NBEA: variants seen among roughly 807,000 people sequenced by gnomAD.
The protein encoded by NBEA is lysosomal-trafficking regulator 2.
NBEA carries 44 observed loss-of-function variants against 343.4 expected under a neutral mutation model. The observed-to-expected ratio is 0.13, with a 90% CI of 0.10 to 0.16. NBEA has a LOEUF of 0.16. Ranked by LOEUF, NBEA falls within the 10% of genes least tolerant of loss-of-function variation. NBEA has a pLI of 1.00. For synonymous variants in NBEA, 1,175 were observed against 1,238.7 expected, an observed-to-expected ratio of 0.95 and a Z score of 1.08; for missense variants, 2,555 against 3,631.3, an observed-to-expected ratio of 0.70 and a Z score of 7.62.
chr13:35,298,685 A>C (rs1217329203), intron 35 of NBEA, among the ~76,000 whole-genome samples: 1 of 152,014 alleles, frequency 6.6e-6, no homozygotes, highest in Non-Finnish European at 1.5e-5. Context: ...GATGTGTCCA[A>C]TTTGAAACAT....
At chr13:35,037,033 T>G (rs1328618067) in intron 1 of NBEA, among the ~76,000 whole-genome samples, 1 of 152,172 alleles carries the variant, frequency 6.6e-6, no homozygotes. Flanking sequence ...CCAGTACCTC[T>G]TAGATTTGCC....
chr13:35,119,733 C>T (rs2066691032), intron 16 of NBEA, among the ~76,000 whole-genome samples: 2 of 152,080 alleles, frequency 1.3e-5, no homozygotes, highest in Admixed American at 6.6e-5. Flanking sequence ...CTACAGGCGC[C>T]TGCCACAATG....
intron 41 of NBEA, among the ~76,000 whole-genome samples, chr13:35,519,957 A>G (rs746392429): frequency 8.6e-5 from 13 of 152,000 alleles, no homozygotes; most frequent in Non-Finnish European, 1.9e-4. Flanking sequence ...CTATTACTCT[A>G]CTTTCTTCTT....
At chr13:35,095,337 A>T (rs866094118) in intron 10 of NBEA, among the ~76,000 whole-genome samples, 1 of 150,958 alleles carries the variant, frequency 6.6e-6, no homozygotes, top group East Asian at 1.9e-4. Flanking sequence ...TTATAAACAA[A>T]TTAGTTATGT....
intron 21 of NBEA, 138 bp downstream of exon 21, chr13:35,157,408 C>A: frequency 1.5e-6 from 1 of 647,140 alleles, no homozygotes; most frequent in Non-Finnish European, 2.3e-6. Context: ...ATTTTTCCCT[C>A]ATTGTTCATA....
intron 1 of NBEA, among the ~76,000 whole-genome samples, chr13:35,008,445 A>G (rs554363676): frequency 4.6e-4 from 70 of 152,310 alleles, no homozygotes; most frequent in African/African-American, 1.6e-3. Flanking sequence ...CTGTGTAAAT[A>G]GTTGTTATAC....
intron 28 of NBEA, among the ~76,000 whole-genome samples, chr13:35,180,205 ATTTC>A: frequency 6.6e-6 from 1 of 151,642 alleles, no homozygotes; most frequent in South Asian, 2.1e-4. Flanking sequence ...TGTTTTCCTT[ATTTC>A]TTATTCTGCC....
At chr13:35,324,813 G>A (rs1407573806) in intron 36 of NBEA, among the ~76,000 whole-genome samples, 1 of 152,086 alleles carries the variant, frequency 6.6e-6, no homozygotes, top group Admixed American at 6.6e-5. Flanking sequence ...AATAATGATT[G>A]CAGAAGGTTT....
intron 1 of NBEA, among the ~76,000 whole-genome samples, chr13:35,038,413 T>G (rs1275849127): frequency 6.6e-6 from 1 of 152,148 alleles, no homozygotes; most frequent in Non-Finnish European, 1.5e-5. Flanking sequence ...TTTACTCTTC[T>G]GTTTTTATCA....
chr13:35,340,620 T>G (rs1384640515), intron 36 of NBEA, among the ~76,000 whole-genome samples: 2 of 152,082 alleles, frequency 1.3e-5, no homozygotes, highest in African/African-American at 4.8e-5. Context: ...AATTTTATAT[T>G]ATATGTATTT....
At chr13:35,481,413 A>G (rs1420936243) in intron 41 of NBEA, among the ~76,000 whole-genome samples, 6 of 151,808 alleles carry the variant, frequency 4.0e-5, no homozygotes, top group African/African-American at 7.2e-5. Context: ...TCATTTGCAT[A>G]TGTACACAGA....
chr13:35,005,611 G>A lies in NBEA; in HGVS notation c.295-35322G>A, dbSNP rs938883526. On this transcript the variant is annotated intron_variant, in intron 1 of 58. Transcript: ENST00000379939. ...TGGAGATTGATTCCTTGGTATTAGA[G>A]CATTTCTTCTCTAGTGGAGAAGACA... Among the ~76,000 whole-genome samples the A allele has an allele frequency of 7.2e-5, 11 of 152,306 alleles. No homozygotes were observed. The Middle Eastern group carries it at 0.01, about 141-fold the overall frequency.
chr13:35,078,146 G>A (rs987458813), intron 10 of NBEA, among the ~76,000 whole-genome samples: 8 of 152,148 alleles, frequency 5.3e-5, no homozygotes, highest in Non-Finnish European at 1.2e-4. Context: ...TGTCATGCAA[G>A]TGGACAATAA....
chr13:35,398,158 C>A (rs541457517), intron 38 of NBEA, among the ~76,000 whole-genome samples: 7 of 152,130 alleles, frequency 4.6e-5, no homozygotes, highest in Non-Finnish European at 1.0e-4. Context: ...AAACCGTTTT[C>A]TTTGTTCATA....
At position 34,989,855 on chromosome 13, in the gene NBEA, A is replaced by T. The variant is rs868123468; in HGVS notation, c.294+46741A>T. ...AACAAGTTAGTTACCTCCAAGATAC[A>T]ATGGGGCTACAGGCATTGGGCAAAT... On this transcript the variant is annotated intron_variant, in intron 1 of 58. Transcript: ENST00000379939. 6.6e-5 allele frequency among the ~76,000 whole-genome samples: 10 copies of T among 151,106 alleles called. No individual in the cohort carries two copies. The South Asian group carries it at 1.7e-3, about 25-fold the overall frequency.
At chr13:35,600,377 A>G (rs754452739) in intron 47 of NBEA, among the ~76,000 whole-genome samples, 1 of 152,162 alleles carries the variant, frequency 6.6e-6, no homozygotes, top group Non-Finnish European at 1.5e-5. Context: ...GCTGTGAGCT[A>G]TTCTTTTCCT....
intron 36 of NBEA, among the ~76,000 whole-genome samples, chr13:35,316,871 T>A (rs188720960): frequency 1.3e-3 from 200 of 152,178 alleles, no homozygotes; most frequent in African/African-American, 4.7e-3. Flanking sequence ...GATGATGAGT[T>A]TTTTTTCATA....
intron 22 of NBEA, 136 bp from the exon 23 acceptor site, chr13:35,161,614 T>G: frequency 1.3e-6 from 1 of 760,748 alleles, no homozygotes; most frequent in Non-Finnish European, 2.0e-6. Context: ...GTGAATAATA[T>G]ATGTGAAATA....
At chr13:34,973,575 G>C (rs886463633) in intron 1 of NBEA, among the ~76,000 whole-genome samples, 1 of 152,188 alleles carries the variant, frequency 6.6e-6, no homozygotes, top group African/African-American at 2.4e-5. Context: ...TGGTAGAGGA[G>C]CTGTGCTGTG....
Sources: allele counts gnomAD v4.1 joint callset (sites outside exome capture counted in the v4.1 genomes callset), GRCh38; gene constraint gnomAD v4.1.1; transcripts MANE v1.5; gene names NCBI Gene and HGNC (gene_info 2026-07-23, HGNC 2026-07-21).